Variants in TACR3 observed in about 807,000 individuals in gnomAD.
The protein encoded by TACR3 is tachykinin receptor 3, also known as neuromedin-K receptor.
TACR3 carries 34 observed loss-of-function variants against 35.0 expected under a neutral mutation model. That is an observed-to-expected ratio of 0.97 (90% confidence interval 0.74 to 1.30). TACR3 has a LOEUF of 1.30. Among genes scored for constraint, TACR3 ranks in the 50% most tolerant of loss-of-function variants. The pLI is 0.00. For missense variants in TACR3, 558 were observed against 591.7 expected, an observed-to-expected ratio of 0.94 and a Z score of 0.59; for synonymous variants, 233 against 221.1, an observed-to-expected ratio of 1.05 and a Z score of -0.48.
intron 3 of TACR3, among the ~76,000 whole-genome samples, chr4:103,598,646 G>T (rs1252850901): frequency 1.3e-5 from 2 of 152,122 alleles, no homozygotes; most frequent in African/African-American, 2.4e-5. Flanking sequence ...TGTAAGGAAG[G>T]GATCCAGTTT....
At chr4:103,652,518 T>C (rs1308223825) in intron 3 of TACR3, among the ~76,000 whole-genome samples, 2 of 152,148 alleles carry the variant, frequency 1.3e-5, no homozygotes, top group Non-Finnish European at 2.9e-5. Context: ...TTCAGCTATA[T>C]GAAGTTAAAA....
rs1372210498 is a variant in TACR3 at position 103,680,338 on chromosome 4, A to G, written c.549-21935T>C. Among the ~76,000 whole-genome samples, 3 of 151,510 alleles carry G rather than the reference A, an allele frequency of 2.0e-5. No individual in the cohort carries two copies. In the East Asian group the frequency reaches 5.8e-4, roughly 29 times the overall value. ...TTTTTATTCTATTGAGATAAGGAGG[A>G]ATGTTTAAGCTTGTTTGGAGAAAAA... On this transcript the variant is annotated intron_variant, in intron 1 of 4. Coordinates refer to ENST00000304883, the MANE Select transcript of TACR3 (RefSeq NM_001059.3).
rs1725586255 is a variant in TACR3, at chr4:103,650,716, TATA to T, written c.888+5475_888+5477del. Among the ~76,000 whole-genome samples, 10 of 44,976 alleles carry T rather than the reference TATA, an allele frequency of 2.2e-4. No individual in the cohort carries two copies. In the African/African-American group the frequency reaches 2.3e-3, roughly 10 times the overall value. 29.5% of individuals were successfully genotyped at this position (44,976 alleles called of 152,430 possible). A position where few individuals can be genotyped will look rare whatever the true frequency, so the allele number is the denominator to read the frequency against. On this transcript the variant is annotated intron_variant, in intron 3 of 4. Transcript: ENST00000304883. ...ATATATATTTATATATATAAATATA[TATA>T]AATAAATATATATTATATCATATAT...
chr4:103,641,263 GTT>G (rs1483377629), intron 3 of TACR3, among the ~76,000 whole-genome samples: 1 of 151,622 alleles, frequency 6.6e-6, no homozygotes, highest in Non-Finnish European at 1.5e-5. Flanking sequence ...TGGCCTAGGT[GTT>G]TTTTAAAAAA....
At chr4:103,664,151 A>G (rs1003503816) in intron 1 of TACR3, among the ~76,000 whole-genome samples, 2 of 152,206 alleles carry the variant, frequency 1.3e-5, no homozygotes, top group African/African-American at 4.8e-5. Context: ...AGAAGCATCT[A>G]TTGAAAACTA....
chr4:103,602,367 A>G (rs534420074), intron 3 of TACR3, among the ~76,000 whole-genome samples: 2 of 152,134 alleles, frequency 1.3e-5, no homozygotes, highest in East Asian at 3.9e-4. Context: ...GATTGTCTGA[A>G]GCCTTCTTCT....
chr4:103,593,646 T>C (rs1178092558), intron 3 of TACR3, among the ~76,000 whole-genome samples: 1 of 152,162 alleles, frequency 6.6e-6, no homozygotes, highest in Non-Finnish European at 1.5e-5. Context: ...CATAGATTAT[T>C]TTCCCTGGCT....
At chr4:103,605,666 G>T (rs1339415384) in intron 3 of TACR3, among the ~76,000 whole-genome samples, 1 of 152,018 alleles carries the variant, frequency 6.6e-6, no homozygotes, top group African/African-American at 2.4e-5. Context: ...CCCACTTTTC[G>T]ATGGGGTTGT....
At chr4:103,667,194 G>T (rs1289084390) in intron 1 of TACR3, among the ~76,000 whole-genome samples, 3 of 152,244 alleles carry the variant, frequency 2.0e-5, no homozygotes, top group Middle Eastern at 3.4e-3. Context: ...GGAGGCGGAG[G>T]TTGCAGTGAG....
intron 1 of TACR3, among the ~76,000 whole-genome samples, chr4:103,658,946 G>A (rs538664202): frequency 3.3e-5 from 5 of 152,162 alleles, no homozygotes; most frequent in Admixed American, 2.0e-4. Context: ...GCAACTAGAC[G>A]GTCCCATCTG....
At chr4:103,685,110 T>C (rs1050241761) in intron 1 of TACR3, among the ~76,000 whole-genome samples, 1 of 152,060 alleles carries the variant, frequency 6.6e-6, no homozygotes, top group Non-Finnish European at 1.5e-5. Context: ...AATCACTCTA[T>C]CACATTTAAG....
In TACR3 at chr4:103,605,537, G is replaced by A. The variant is rs541026348; in HGVS notation, c.889-13854C>T. Among the ~76,000 whole-genome samples the A allele has an allele frequency of 1.8e-4, 27 of 149,638 alleles. No individual in the cohort carries two copies. The South Asian group carries it at 2.8e-3, about 15-fold the overall frequency. On this transcript the variant is annotated intron_variant, in intron 3 of 4. Coordinates refer to ENST00000304883, the MANE Select transcript of TACR3 (RefSeq NM_001059.3). The stretch of plus-strand genomic sequence containing the variant: ...TTGCCATTCTAACTGGTGTGAGATA[G>A]TATCTCATTGTGGTTTTGATTTGCA...
intron 3 of TACR3, among the ~76,000 whole-genome samples, chr4:103,594,792 G>A (rs1723971377): frequency 1.3e-5 from 2 of 152,114 alleles, no homozygotes; most frequent in African/African-American, 4.8e-5. Flanking sequence ...AGGGCCTTTA[G>A]AACTTCTTGC....
intron 3 of TACR3, among the ~76,000 whole-genome samples, chr4:103,649,179 G>T (rs888030599): frequency 6.6e-6 from 1 of 151,984 alleles, no homozygotes; most frequent in African/African-American, 2.4e-5. Flanking sequence ...ATATATTCTG[G>T]TTATTAACTC....
chr4:103,614,858 C>T (rs1724598867), intron 3 of TACR3, among the ~76,000 whole-genome samples: 1 of 139,792 alleles, frequency 7.2e-6, no homozygotes, highest in South Asian at 2.3e-4. Context: ...ATCATTAGCA[C>T]TATAACCTAA....
chr4:103,654,896 G>A (rs1350013324), intron 3 of TACR3, among the ~76,000 whole-genome samples: 2 of 152,184 alleles, frequency 1.3e-5, no homozygotes, highest in Non-Finnish European at 2.9e-5. Context: ...AAATTACAAA[G>A]GGGAGAGAGA....
At chr4:103,629,645 AC>A (rs540344484) in intron 3 of TACR3, among the ~76,000 whole-genome samples, 38 of 152,246 alleles carry the variant, frequency 2.5e-4, no homozygotes, top group African/African-American at 8.9e-4. Context: ...AAAAGAGTAC[AC>A]AAACAAATGG....
chr4:103,663,313 G>A (rs1051076455), intron 1 of TACR3, among the ~76,000 whole-genome samples: 16 of 152,240 alleles, frequency 1.1e-4, no homozygotes, highest in Middle Eastern at 3.4e-3. Context: ...GGCCAACATG[G>A]AGAAACCTCA....
At chr4:103,704,606 C>G (rs1722744867) in intron 1 of TACR3, among the ~76,000 whole-genome samples, 1 of 152,182 alleles carries the variant, frequency 6.6e-6, no homozygotes, top group Non-Finnish European at 1.5e-5. Context: ...CGAGAACTCA[C>G]TCACTATAGT....
Sources: gnomAD v4.1 joint callset for allele counts (sites outside exome capture counted in the v4.1 genomes callset) on GRCh38, gnomAD v4.1.1 for gene constraint, MANE v1.5 for transcripts, NCBI Gene and HGNC (gene_info 2026-07-23, HGNC 2026-07-21) for gene names.